The following DENND1A variants were observed in gnomAD, a reference collection of about 807,000 sequenced individuals.
The protein encoded by DENND1A is DENN domain-containing protein 1A.
A neutral mutation model predicts 113.7 loss-of-function variants in DENND1A; 51 were observed. The ratio of observed to expected loss-of-function variants is 0.45; its 90% confidence interval spans 0.36 to 0.57. The LOEUF is 0.57. Ranked by LOEUF, DENND1A falls within the 20% of genes least tolerant of loss-of-function variation. DENND1A has a pLI of 0.00. For missense variants in DENND1A, 1,258 were observed against 1,395.9 expected (o/e 0.90, Z 1.57); for synonymous variants, 565 against 570.8 (o/e 0.99, Z 0.14).
intron 19 of DENND1A, among the ~76,000 whole-genome samples, chr9:123,421,850 C>T (rs1396621035): frequency 6.6e-6 from 1 of 152,232 alleles, no homozygotes; most frequent in Admixed American, 6.5e-5. Flanking sequence ...GCTCACATCC[C>T]TGTCCCCAGC....
intron 13 of DENND1A, among the ~76,000 whole-genome samples, chr9:123,482,599 C>T (rs1203590556): frequency 1.3e-5 from 2 of 152,168 alleles, no homozygotes; most frequent in Non-Finnish European, 2.9e-5. Flanking sequence ...TGAGAGCCTA[C>T]TGGGTATCAG....
chr9:123,806,992 C>T (rs1037503264), intron 2 of DENND1A, among the ~76,000 whole-genome samples: 37 of 152,124 alleles, frequency 2.4e-4, no homozygotes, highest in African/African-American at 6.7e-4. Flanking sequence ...AGCATCATTG[C>T]AAAAATTGAA....
At chr9:123,598,314 C>A (rs888289706) in intron 11 of DENND1A, among the ~76,000 whole-genome samples, 1 of 152,042 alleles carries the variant, frequency 6.6e-6, no homozygotes, top group Non-Finnish European at 1.5e-5. Context: ...ATAACTCAGC[C>A]CCAAGTCCAG....
chr9:123,925,268 A>T (rs533552492), intron 1 of DENND1A, among the ~76,000 whole-genome samples: 15 of 152,196 alleles, frequency 9.9e-5, no homozygotes, highest in African/African-American at 2.4e-4. Flanking sequence ...CTCTGCTGAT[A>T]CCACCACCAT....
At chr9:123,689,512 G>T (rs1377049259) in intron 5 of DENND1A, among the ~76,000 whole-genome samples, 3 of 152,130 alleles carry the variant, frequency 2.0e-5, no homozygotes, top group Non-Finnish European at 4.4e-5. Flanking sequence ...TTAAATGATA[G>T]TTCTTTTATT....
intron 9 of DENND1A, among the ~76,000 whole-genome samples, chr9:123,646,181 G>C (rs1005778091): frequency 6.6e-6 from 1 of 152,166 alleles, no homozygotes; most frequent in African/African-American, 2.4e-5. Context: ...TGTTCTGAGA[G>C]CTATGCAAGT....
At chr9:123,870,963 GA>G (rs530134341) in intron 2 of DENND1A, among the ~76,000 whole-genome samples, 2 of 151,220 alleles carry the variant, frequency 1.3e-5, no homozygotes, top group East Asian at 1.9e-4. Context: ...CATTATTACT[GA>G]AAAAAAATAA....
chr9:123,380,665 G>C lies in DENND1A; in HGVS notation c.*767C>G, dbSNP rs1423357824. On this transcript the variant is annotated 3_prime_UTR_variant, in exon 24 of 24. Transcript: ENST00000394215. ...TGGAGGTATCAGCGTGCCAGAGCTG[G>C]ATGAGGGCTGGGGGCTCCTCCCAAA... 1 of 152,528 alleles carries C rather than the reference G, an allele frequency of 6.6e-6. No homozygotes were observed. Among genetic ancestry groups the C allele is most frequent in the Non-Finnish European group, 1.5e-5 (1 of 68,056 alleles). 9.4% of individuals were successfully genotyped at this position (152,528 alleles called of 1,614,324 possible).
chr9:123,524,747 A>C (rs1405556777), intron 13 of DENND1A, among the ~76,000 whole-genome samples: 2 of 152,194 alleles, frequency 1.3e-5, no homozygotes, highest in African/African-American at 4.8e-5. Flanking sequence ...GCTGTCTTTC[A>C]AGAGGGGGTC....
rs1311138627 is a variant in DENND1A at position 123,929,935 on chromosome 9, G to A, written c.-30C>T. Reference sequence around the variant, plus strand: ...CCCAGGCCTCCTCATGGGCCCGCGGGCCCCGCTCGGCGCTGCGCTGCCCGC... The same window carrying A: ...CCCAGGCCTCCTCATGGGCCCGCGGACCCCGCTCGGCGCTGCGCTGCCCGC... On this transcript the variant is annotated 5_prime_UTR_variant, in exon 1 of 24. Coordinates refer to ENST00000394215, the MANE Select transcript of DENND1A (RefSeq NM_001352964.2). 1 of 333,072 alleles carries A rather than the reference G, an allele frequency of 3.0e-6. No individual in the cohort carries two copies. The highest frequency in any genetic ancestry group is 4.8e-5 in the South Asian group (1 of 20,848). 20.6% of individuals were successfully genotyped at this position (333,072 alleles called of 1,614,324 possible). A position where few individuals can be genotyped will look rare whatever the true frequency, so the allele number is the denominator to read the frequency against.
intron 13 of DENND1A, among the ~76,000 whole-genome samples, chr9:123,470,338 C>T (rs1287370645): frequency 2.0e-5 from 1 of 50,164 alleles, no homozygotes; most frequent in Non-Finnish European, 4.5e-5. Context: ...CAACCTCAAA[C>T]ACCTGCTGGC....
intron 1 of DENND1A, among the ~76,000 whole-genome samples, chr9:123,879,489 C>T (rs1281278947): frequency 3.3e-5 from 5 of 152,086 alleles, no homozygotes; most frequent in African/African-American, 1.2e-4. Flanking sequence ...GCTAAGATCA[C>T]GCTACTGCAC....
At chr9:123,409,533 C>G (rs2044140836) in intron 20 of DENND1A, among the ~76,000 whole-genome samples, 1 of 151,062 alleles carries the variant, frequency 6.6e-6, no homozygotes. Context: ...ACGGAGGGTC[C>G]AGAGAGCTTG....
At chr9:123,503,728 G>A (rs1430343111) in intron 13 of DENND1A, among the ~76,000 whole-genome samples, 1 of 152,176 alleles carries the variant, frequency 6.6e-6, no homozygotes, top group East Asian at 1.9e-4. Flanking sequence ...GGCCAGCATA[G>A]TCTTTCTAAA....
intron 16 of DENND1A, among the ~76,000 whole-genome samples, chr9:123,453,028 G>T (rs74478289): frequency 6.6e-6 from 1 of 152,210 alleles, no homozygotes; most frequent in Non-Finnish European, 1.5e-5. Context: ...AGGAGGGAAG[G>T]CCTTCCCGCT....
chr9:123,907,028 T>C (rs921285625), intron 1 of DENND1A, among the ~76,000 whole-genome samples: 3 of 151,054 alleles, frequency 2.0e-5, no homozygotes, highest in Admixed American at 6.6e-5. Context: ...GTGGGCTTCA[T>C]CCCTGGCATG....
At chr9:123,837,786 G>GC (rs746606183) in intron 2 of DENND1A, among the ~76,000 whole-genome samples, 1 of 152,154 alleles carries the variant, frequency 6.6e-6, no homozygotes, top group African/African-American at 2.4e-5. Context: ...AACAGTGCTA[G>GC]TCTACTTTGA....
At chr9:123,544,836 C>T (rs531663620) in intron 13 of DENND1A, among the ~76,000 whole-genome samples, 2 of 152,266 alleles carry the variant, frequency 1.3e-5, no homozygotes, top group African/African-American at 4.8e-5. Context: ...TGGTGGCTCA[C>T]GCCTGTAATC....
At chr9:123,892,054 G>C (rs1849989616) in intron 1 of DENND1A, among the ~76,000 whole-genome samples, 2 of 152,216 alleles carry the variant, frequency 1.3e-5, no homozygotes, top group South Asian at 4.1e-4. Flanking sequence ...GAGTGCTGGA[G>C]TGAAGAGAGC....
Sources: allele counts gnomAD v4.1 joint callset (sites outside exome capture counted in the v4.1 genomes callset), GRCh38; gene constraint gnomAD v4.1.1; transcripts MANE v1.5; gene names NCBI Gene and HGNC (gene_info 2026-07-23, HGNC 2026-07-21).